The following BMAL2 variants were observed in gnomAD, a reference collection of about 807,000 sequenced individuals.
BMAL2 encodes basic helix-loop-helix ARNT like 2.
the BMAL2 span, among the ~76,000 whole-genome samples, chr12:27,418,633 A>AT: frequency 4.6e-5 from 7 of 151,520 alleles, no homozygotes; most frequent in East Asian, 7.8e-4. Context: ...ATAAATAAAT[A>AT]TTTTTTTTGT....
chr12:27,409,745 G>A, the BMAL2 span, among the ~76,000 whole-genome samples: 2 of 151,716 alleles, frequency 1.3e-5, no homozygotes, highest in African/African-American at 4.8e-5. Context: ...TTGACAAATG[G>A]GATCTAATTA....
chr12:27,350,242 A>G, the BMAL2 span, among the ~76,000 whole-genome samples: 1 of 152,372 alleles, frequency 6.6e-6, no homozygotes, highest in African/African-American at 2.4e-5. Flanking sequence ...TCAATCAGTT[A>G]TCAGGTATGG....
At chr12:27,336,902 A>G in the BMAL2 span, among the ~76,000 whole-genome samples, 1 of 148,924 alleles carries the variant, frequency 6.7e-6, no homozygotes, top group African/African-American at 2.5e-5. Context: ...GTGAGTCGAG[A>G]TCATTCCACT....
At chr12:27,352,997 T>C in the BMAL2 span, among the ~76,000 whole-genome samples, 1 of 152,206 alleles carries the variant, frequency 6.6e-6, no homozygotes, top group South Asian at 2.1e-4. Context: ...AAAATGGCTA[T>C]ACTGCCCAAA....
chr12:27,402,157 A>G, the BMAL2 span, among the ~76,000 whole-genome samples: 21,599 of 152,166 alleles, frequency 0.14, 2,137 homozygotes, highest in East Asian at 0.46. Context: ...GCCTGAAGGA[A>G]GAGTCAAGTT....
the BMAL2 span, among the ~76,000 whole-genome samples, chr12:27,336,581 C>T: frequency 6.6e-6 from 1 of 152,172 alleles, no homozygotes; most frequent in Non-Finnish European, 1.5e-5. Context: ...TTACTGGTCC[C>T]TGACACATAC....
At chr12:27,346,915 T>C in the BMAL2 span, among the ~76,000 whole-genome samples, 4 of 152,174 alleles carry the variant, frequency 2.6e-5, no homozygotes, top group Non-Finnish European at 5.9e-5. Flanking sequence ...CTCACTCTAA[T>C]TGTTTGTTAA....
chr12:27,340,511 G>A, the BMAL2 span, among the ~76,000 whole-genome samples: 1 of 151,958 alleles, frequency 6.6e-6, no homozygotes, highest in African/African-American at 2.4e-5. Flanking sequence ...CTGTTGCTTT[G>A]TAGTATAGTT....
the BMAL2 span, among the ~76,000 whole-genome samples, chr12:27,400,174 A>T: frequency 0.2 from 29,682 of 152,092 alleles, 3,304 homozygotes; most frequent in East Asian, 0.47. Flanking sequence ...TGAAAACAAT[A>T]TTGCAAGGGG....
At chr12:27,346,769 G>T in the BMAL2 span, among the ~76,000 whole-genome samples, 4 of 152,120 alleles carry the variant, frequency 2.6e-5, no homozygotes, top group Non-Finnish European at 2.9e-5. Context: ...GAGATGGTTC[G>T]GATGTTTGCC....
the BMAL2 span, among the ~76,000 whole-genome samples, chr12:27,345,977 G>C: frequency 2.0e-5 from 3 of 152,112 alleles, no homozygotes. Context: ...AATTATAGTT[G>C]AATCAAATAA....
the BMAL2 span, among the ~76,000 whole-genome samples, chr12:27,356,517 CCTT>C: frequency 1.3e-5 from 2 of 152,152 alleles, no homozygotes; most frequent in Non-Finnish European, 2.9e-5. Flanking sequence ...AGTCCATACG[CCTT>C]CTTTTCTCTA....
At chr12:27,376,071 A>T in the BMAL2 span, among the ~76,000 whole-genome samples, 7 of 152,218 alleles carry the variant, frequency 4.6e-5, no homozygotes, top group Non-Finnish European at 1.0e-4. Context: ...ATATCTAATT[A>T]TGTAAGTAGC....
the BMAL2 span, among the ~76,000 whole-genome samples, chr12:27,336,213 T>C: frequency 6.6e-6 from 1 of 152,160 alleles, no homozygotes; most frequent in African/African-American, 2.4e-5. Flanking sequence ...GACCTCAGAG[T>C]GTGCCATGTG....
the BMAL2 span, among the ~76,000 whole-genome samples, chr12:27,408,442 C>A: frequency 2.0e-5 from 3 of 152,226 alleles, no homozygotes; most frequent in Admixed American, 1.3e-4. Flanking sequence ...GTTCAACATA[C>A]GCAAATCAAT....
the BMAL2 span, among the ~76,000 whole-genome samples, chr12:27,352,909 C>T: frequency 6.6e-6 from 1 of 152,152 alleles, no homozygotes; most frequent in Non-Finnish European, 1.5e-5. Context: ...TGACAAAACA[C>T]TGCTCAAAGA....
the BMAL2 span, chr12:27,390,069 A>C: frequency 6.2e-6 from 10 of 1,607,386 alleles, no homozygotes; most frequent in East Asian, 2.0e-4. Flanking sequence ...TTTTCCACCT[A>C]TTCTCTCGCC....
chr12:27,416,838 TGTAATCCCC>T, the BMAL2 span, among the ~76,000 whole-genome samples: 1 of 152,200 alleles, frequency 6.6e-6, no homozygotes, highest in Non-Finnish European at 1.5e-5. Flanking sequence ...GGCACATGCC[TGTAATCCCC>T]GCTACTGCAG....
chr12:27,383,016 C>T, the BMAL2 span, among the ~76,000 whole-genome samples: 1 of 152,214 alleles, frequency 6.6e-6, no homozygotes, highest in African/African-American at 2.4e-5. Flanking sequence ...CATTGGTCTG[C>T]AGACCACATT....
Sources: allele counts gnomAD v4.1 joint callset (sites outside exome capture counted in the v4.1 genomes callset), GRCh38; gene constraint gnomAD v4.1.1; transcripts MANE v1.5; gene names NCBI Gene and HGNC (gene_info 2026-07-23, HGNC 2026-07-21).